The following XXYLT1 variants were observed in gnomAD, a reference collection of about 807,000 sequenced individuals.
XXYLT1 encodes UDP-xylose:alpha-xyloside alpha-1,3-xylosyltransferase.
Under a neutral mutation model 28.9 loss-of-function variants are expected in XXYLT1, and 20 were observed. That is an observed-to-expected ratio of 0.69 (90% CI 0.49 to 1.00). XXYLT1 has a LOEUF of 1.00. Ranked by LOEUF, XXYLT1 falls within the 50% of genes least tolerant of loss-of-function variation. The pLI is 0.00. For synonymous variants in XXYLT1, 257 were observed against 253.8 expected (o/e 1.01, Z -0.12); for missense variants, 542 against 560.1 (o/e 0.97, Z 0.33).
At chr3:195,132,920 G>C (rs1175244268) in intron 3 of XXYLT1, among the ~76,000 whole-genome samples, 1 of 152,218 alleles carries the variant, frequency 6.6e-6, no homozygotes, top group Non-Finnish European at 1.5e-5. Flanking sequence ...TTAATTCCAT[G>C]CACAATTCTC....
intron 1 of XXYLT1, among the ~76,000 whole-genome samples, chr3:195,250,333 T>C (rs771921880): frequency 1.8e-4 from 27 of 152,076 alleles, no homozygotes; most frequent in Non-Finnish European, 4.0e-4. Flanking sequence ...GAGGCCGAGG[T>C]GGATGGATCA....
Position 195,069,878 on chromosome 3 carries a change from T to C in XXYLT1, c.1019A>G (p.Glu340Gly). The C allele has an allele frequency of 6.2e-7, 1 of 1,614,102 alleles. No homozygotes were observed. Among genetic ancestry groups the C allele is most frequent in the Non-Finnish European group, 8.5e-7 (1 of 1,180,014 alleles). ...CAGCACATGGAAGAGCTTGGGGTGC[T>C]CCATGCCGATCATGGTGAAGAAGTC... ...DQDFFTMIGM[E>G]HPKLFHVLDC... The change falls in exon 4 of 4, where the codon GAG (glutamate) becomes GGG (glycine). Residue 340 changes from glutamate to glycine, a missense_variant. By Grantham distance (98) the Glu-to-Gly change is moderately conservative. Coordinates refer to ENST00000310380, the MANE Select transcript of XXYLT1 (RefSeq NM_152531.5).
chr3:195,126,780 C>T (rs1044824110), intron 3 of XXYLT1, among the ~76,000 whole-genome samples: 21 of 152,162 alleles, frequency 1.4e-4, no homozygotes, highest in Admixed American at 1.2e-3. Context: ...GCCAGGTGGC[C>T]GGAGGGAGCA....
At chr3:195,116,368 T>TA (rs143871608) in intron 3 of XXYLT1, among the ~76,000 whole-genome samples, 2,230 of 152,322 alleles carry the variant, frequency 0.015, 52 homozygotes, top group African/African-American at 0.049. Flanking sequence ...GGGATCTCGT[T>TA]AAAATGTAGA....
At chr3:195,234,724 G>A (rs1439807693) in intron 1 of XXYLT1, among the ~76,000 whole-genome samples, 1 of 152,154 alleles carries the variant, frequency 6.6e-6, no homozygotes, top group African/African-American at 2.4e-5. Context: ...CAAAAAGTCT[G>A]CTGCCAGACG....
chr3:195,199,625 G>A (rs576669801), intron 2 of XXYLT1, among the ~76,000 whole-genome samples: 3 of 151,030 alleles, frequency 2.0e-5, no homozygotes, highest in Non-Finnish European at 4.4e-5. Flanking sequence ...GAAAAAAAAA[G>A]AATCTTGTTG....
Position 195,256,753 on chromosome 3 carries a change from G to A in XXYLT1, c.504+13802C>T, listed in dbSNP as rs1380611998. Among the ~76,000 whole-genome samples, 1 of 152,214 alleles carries A rather than the reference G, an allele frequency of 6.6e-6. No homozygotes were observed. Among genetic ancestry groups the A allele is most frequent in the East Asian group, 1.9e-4 (1 of 5,200 alleles). ...TTGCTAACAGAAGCCAGGGTCAGAGGAAGACCCAGAACTCAGGATCAATAA... is the reference window on the plus strand; with the variant it reads ...TTGCTAACAGAAGCCAGGGTCAGAGAAAGACCCAGAACTCAGGATCAATAA... On this transcript the variant is annotated intron_variant, in intron 1 of 3. Coordinates refer to ENST00000310380, the MANE Select transcript of XXYLT1 (RefSeq NM_152531.5). This position sits in a 1 kb window ranked among gnomAD's most constrained non-coding sequence, Gnocchi z 4.2.
In XXYLT1 at chr3:195,188,994, A is replaced by G. The variant is rs947708091; in HGVS notation, c.653-32413T>C. 2.6e-5 allele frequency among the ~76,000 whole-genome samples: 4 copies of G among 152,332 alleles called. No individual in the cohort carries two copies. The South Asian group carries it at 8.3e-4, about 32-fold the overall frequency. On this transcript the variant is annotated intron_variant, in intron 2 of 3. Coordinates refer to ENST00000310380, the MANE Select transcript of XXYLT1 (RefSeq NM_152531.5). ...TTTCTTTGAGCCTCATTTTCCTCAC[A>G]CAATGATAATACCAAAGAATAAGAA...
At chr3:195,177,079 G>A (rs1721704255) in intron 2 of XXYLT1, among the ~76,000 whole-genome samples, 1 of 152,228 alleles carries the variant, frequency 6.6e-6, no homozygotes, top group East Asian at 1.9e-4. Flanking sequence ...TAAAGGCTGG[G>A]TCCCTCCCTC....
rs1719024112 is a variant in XXYLT1 at position 195,133,755 on chromosome 3, T to C, written c.785+22694A>G. 1.3e-5 allele frequency among the ~76,000 whole-genome samples: 2 copies of C among 152,216 alleles called. No individual in the cohort carries two copies. Among genetic ancestry groups the C allele is most frequent in the Admixed American group, 1.3e-4 (2 of 15,284 alleles). The stretch of plus-strand genomic sequence containing the variant: ...AGAGGATGGTGCCAGAAGATCATGA[T>C]GGAGCTGAAAAATCCCCATTGCCTA... On this transcript the variant is annotated intron_variant, in intron 3 of 3. Coordinates refer to ENST00000310380, the MANE Select transcript of XXYLT1 (RefSeq NM_152531.5). The surrounding 1 kb of genome is among the most constrained non-coding windows in gnomAD (Gnocchi z 4.4).
chr3:195,257,653 G>A lies in XXYLT1; in HGVS notation c.504+12902C>T, dbSNP rs1475841999. On this transcript the variant is annotated intron_variant, in intron 1 of 3. Coordinates refer to ENST00000310380, the MANE Select transcript of XXYLT1 (RefSeq NM_152531.5). The surrounding 1 kb of genome is among the most constrained non-coding windows in gnomAD (Gnocchi z 4.3). ...GCACGGGCCCCGTAGCTCTCCCTGT[G>A]GCTCCCGCTCCAGAGTCCTGGCTAC... Among the ~76,000 whole-genome samples, 1 of 152,088 alleles carries A rather than the reference G, an allele frequency of 6.6e-6. No homozygotes were observed. Among genetic ancestry groups the A allele is most frequent in the African/African-American group, 2.4e-5 (1 of 41,404 alleles).
At chr3:195,103,308 ACCAGCGACCTGCGTCCATCACCCCACG>A (rs767858733) in intron 3 of XXYLT1, among the ~76,000 whole-genome samples, 4,500 of 126,490 alleles carry the variant, frequency 0.036, 263 homozygotes, top group Admixed American at 0.093. Flanking sequence ...GCACCCCCAC[ACCAGCGACCTGCGTCCATCACCCCACG>A]CCAGCGACCT....
rs1720604703 is a variant in XXYLT1, at chr3:195,156,555, G to C, written c.679C>G (p.Leu227Val). The change falls in exon 3 of 4, where the codon CTA becomes GTA. Residue 227 changes from leucine (L) to valine (V), a missense_variant. Physicochemically the swap from Leu to Val is conservative, Grantham distance 32. Coordinates refer to ENST00000310380, the MANE Select transcript of XXYLT1 (RefSeq NM_152531.5). Reference sequence around the variant, plus strand: ...ATGTTGGTCTTAAACTTCAGGTCTAGGTCCAGCTGAATGATCTGCAGGATC... The same window carrying C: ...ATGTTGGTCTTAAACTTCAGGTCTACGTCCAGCTGAATGATCTGCAGGATC... ...KEILQIIQLD[L>V]DLKFKTNIRE... The C allele has an allele frequency of 2.5e-6, 4 of 1,614,230 alleles. No homozygotes were observed. Among genetic ancestry groups the C allele is most frequent in the Non-Finnish European group, 3.4e-6 (4 of 1,180,038 alleles).
intron 2 of XXYLT1, among the ~76,000 whole-genome samples, chr3:195,174,683 C>G (rs1458519487): frequency 2.4e-5 from 3 of 125,540 alleles, no homozygotes; most frequent in Admixed American, 1.7e-4. Flanking sequence ...CTTCCCTCCC[C>G]CCTCCCTCCC....
At chr3:195,194,887 T>G (rs1211482410) in intron 2 of XXYLT1, among the ~76,000 whole-genome samples, 1 of 152,056 alleles carries the variant, frequency 6.6e-6, no homozygotes, top group African/African-American at 2.4e-5. Context: ...AGCAGATCAG[T>G]GATTGCCCAT....
chr3:195,080,723 A>G (rs1715385893), intron 3 of XXYLT1, among the ~76,000 whole-genome samples: 1 of 152,168 alleles, frequency 6.6e-6, no homozygotes, highest in Non-Finnish European at 1.5e-5. Flanking sequence ...GGTGTGGGAA[A>G]GGCGGCAGGG....
chr3:195,174,666 TCCTTTCCTTCCCTCCCCCCTCCCTC>T (rs1721570226), intron 2 of XXYLT1, among the ~76,000 whole-genome samples: 1 of 129,482 alleles, frequency 7.7e-6, no homozygotes, highest in African/African-American at 2.9e-5. Context: ...TTTCCCTCCC[TCCTTTCCTTCCCTCCCCCCTCCCTC>T]CCTTCCCTTC....
intron 2 of XXYLT1, among the ~76,000 whole-genome samples, chr3:195,158,058 T>C (rs1012051144): frequency 9.8e-5 from 15 of 152,310 alleles, no homozygotes; most frequent in African/African-American, 3.6e-4. Context: ...TTTAAGGAAC[T>C]TGGGATAATT....
chr3:195,247,624 A>C, intron 1 of XXYLT1: 1 of 529,554 alleles, frequency 1.9e-6, no homozygotes, highest in Non-Finnish European at 3.4e-6. Flanking sequence ...CCCAAGGGGG[A>C]GAGCCATGAT....
Sources: gnomAD v4.1 joint callset for allele counts (sites outside exome capture counted in the v4.1 genomes callset) on GRCh38, gnomAD v4.1.1 for gene constraint, Gnocchi (gnomAD v3.1) non-coding constraint, MANE v1.5 for transcripts, NCBI Gene and HGNC (gene_info 2026-07-23, HGNC 2026-07-21) for gene names.